PTPRD: variants seen among roughly 807,000 people sequenced by gnomAD.
PTPRD encodes the protein protein tyrosine phosphatase receptor type D, also known as receptor-type tyrosine-protein phosphatase delta.
PTPRD carries 34 observed loss-of-function variants against 214.5 expected under a neutral mutation model. The ratio of observed to expected loss-of-function variants is 0.16; its 90% CI spans 0.12 to 0.21. The LOEUF is 0.21. Among genes scored for constraint, PTPRD ranks in the 10% least tolerant of loss-of-function variants. PTPRD has a pLI of 1.00. For missense variants in PTPRD, 2,545 were observed against 2,398.7 expected, an observed-to-expected ratio of 1.06 and a Z score of -1.27; for synonymous variants, 1,128 against 845.7, an observed-to-expected ratio of 1.33 and a Z score of -5.79.
intron 11 of PTPRD, among the ~76,000 whole-genome samples, chr9:8,764,671 T>C (rs1387319694): frequency 6.6e-6 from 1 of 152,022 alleles, no homozygotes; most frequent in East Asian, 1.9e-4. Context: ...GGTGCGTGCC[T>C]GTAATCCCAT....
intron 2 of PTPRD, among the ~76,000 whole-genome samples, chr9:10,341,548 A>G (rs1403535153): frequency 6.6e-6 from 1 of 151,978 alleles, no homozygotes; most frequent in Non-Finnish European, 1.5e-5. Context: ...CACACTTTCA[A>G]TATTGTTAAG....
intron 9 of PTPRD, among the ~76,000 whole-genome samples, chr9:9,322,086 A>G (rs967289194): frequency 6.6e-6 from 1 of 152,182 alleles, no homozygotes; most frequent in Non-Finnish European, 1.5e-5. Flanking sequence ...TATTTTAATT[A>G]CACAAGGCTC....
At chr9:9,182,916 C>T (rs955095616) in intron 10 of PTPRD, among the ~76,000 whole-genome samples, 4 of 151,940 alleles carry the variant, frequency 2.6e-5, no homozygotes, top group East Asian at 1.9e-4. Context: ...GTAGGCGAGA[C>T]CACCACCGAG....
intron 14 of PTPRD, among the ~76,000 whole-genome samples, chr9:8,608,362 G>A (rs559467687): frequency 2.4e-4 from 36 of 152,200 alleles, no homozygotes; most frequent in African/African-American, 8.2e-4. Context: ...CCAGCATATG[G>A]TATTCCTAAT....
chr9:8,632,573 T>G (rs1186624982), intron 14 of PTPRD, among the ~76,000 whole-genome samples: 1 of 151,936 alleles, frequency 6.6e-6, no homozygotes, highest in Non-Finnish European at 1.5e-5. Context: ...TAATTGGGAA[T>G]GTTCGTATCT....
chr9:8,800,443 G>C (rs567349758), intron 11 of PTPRD, among the ~76,000 whole-genome samples: 1 of 152,224 alleles, frequency 6.6e-6, no homozygotes, highest in Admixed American at 6.5e-5. Flanking sequence ...TAAAGACCTT[G>C]CTCATAAAAA....
intron 5 of PTPRD, among the ~76,000 whole-genome samples, chr9:9,828,217 T>C (rs1452439806): frequency 2.0e-5 from 3 of 151,960 alleles, no homozygotes; most frequent in South Asian, 2.1e-4. Context: ...ATGTTTATTG[T>C]GGCACTATTC....
At chr9:10,555,888 A>G (rs2131316789) in intron 2 of PTPRD, among the ~76,000 whole-genome samples, 1 of 152,292 alleles carries the variant, frequency 6.6e-6, no homozygotes, top group Admixed American at 6.5e-5. Context: ...ATAAAATAAA[A>G]AGGTCATGGT....
rs185131415 is a variant in PTPRD, at chr9:9,971,184, A to T, written c.-471-32574T>A. ...TCATGTGATTAACAATAAGCTAATT[A>T]AAAAAATAAAAACATCAGGTAAGAT... On this transcript the variant is annotated intron_variant, in intron 4 of 45. Transcript: ENST00000381196. Among the ~76,000 whole-genome samples, 908 of 152,292 alleles carry T rather than the reference A, an allele frequency of 6.0e-3. 9 individuals carry two copies. Among genetic ancestry groups the T allele is most frequent in the African/African-American group, 0.02 (813 of 41,554 alleles).
At chr9:9,298,784 A>T (rs1290058310) in intron 9 of PTPRD, among the ~76,000 whole-genome samples, 1 of 151,768 alleles carries the variant, frequency 6.6e-6, no homozygotes. Context: ...AATAATTAGA[A>T]GTCAAACCAT....
chr9:9,216,543 T>A (rs1306332921), intron 9 of PTPRD, among the ~76,000 whole-genome samples: 1 of 152,188 alleles, frequency 6.6e-6, no homozygotes, highest in African/African-American at 2.4e-5. Context: ...ACAGCCGTCA[T>A]CTTCCAGGTT....
At chr9:9,293,683 T>C (rs975318004) in intron 9 of PTPRD, among the ~76,000 whole-genome samples, 3 of 151,560 alleles carry the variant, frequency 2.0e-5, no homozygotes, top group Admixed American at 6.6e-5. Flanking sequence ...CCTCAGTGGA[T>C]GTGAATCTCA....
At chr9:9,424,096 A>C (rs2079881316) in intron 8 of PTPRD, among the ~76,000 whole-genome samples, 1 of 152,210 alleles carries the variant, frequency 6.6e-6, no homozygotes, top group South Asian at 2.1e-4. Context: ...GGCTGTTGAC[A>C]TCCAGTGACT....
chr9:10,504,665 T>C (rs1230926816), intron 2 of PTPRD, among the ~76,000 whole-genome samples: 10 of 152,194 alleles, frequency 6.6e-5, no homozygotes, highest in Admixed American at 1.3e-4. Flanking sequence ...CACTTCCTTT[T>C]ATCAGCATTT....
intron 10 of PTPRD, among the ~76,000 whole-genome samples, chr9:9,148,201 A>C (rs182417963): frequency 2.6e-5 from 4 of 152,306 alleles, no homozygotes; most frequent in African/African-American, 9.6e-5. Flanking sequence ...TGCATGTTTT[A>C]CTTTAGAGGT....
intron 5 of PTPRD, among the ~76,000 whole-genome samples, chr9:9,778,858 T>A (rs2821470): frequency 0.44 from 67,301 of 151,268 alleles, 15,463 homozygotes; most frequent in East Asian, 0.7. Flanking sequence ...TAGAAAAAAA[T>A]TTCTAAAATT....
chr9:9,302,229 T>C (rs1236777014), intron 9 of PTPRD, among the ~76,000 whole-genome samples: 1 of 151,940 alleles, frequency 6.6e-6, no homozygotes, highest in East Asian at 1.9e-4. Context: ...AAATATGTTA[T>C]GGCATTTCCT....
chr9:9,058,331 C>G (rs61515176), intron 10 of PTPRD, among the ~76,000 whole-genome samples: 2 of 149,724 alleles, frequency 1.3e-5, no homozygotes, highest in Admixed American at 6.7e-5. Flanking sequence ...TGTTTTGCTT[C>G]TGATTTGTGT....
At chr9:10,382,558 C>T (rs2097845303) in intron 2 of PTPRD, among the ~76,000 whole-genome samples, 1 of 151,838 alleles carries the variant, frequency 6.6e-6, no homozygotes, top group Non-Finnish European at 1.5e-5. Flanking sequence ...GAGATTATGA[C>T]AGGTTCACTA....
Sources: gnomAD v4.1 joint callset for allele counts (sites outside exome capture counted in the v4.1 genomes callset) on GRCh38, gnomAD v4.1.1 for gene constraint, MANE v1.5 for transcripts, NCBI Gene and HGNC (gene_info 2026-07-23, HGNC 2026-07-21) for gene names.